The following FSTL4 variants were observed in gnomAD, a reference collection of about 807,000 sequenced individuals.
FSTL4 encodes the protein follistatin like 4, also known as follistatin-related protein 4.
In FSTL4, 28 loss-of-function variants were observed where a neutral mutation model predicts 78.2. The observed-to-expected ratio is 0.36, with a 90% CI of 0.27 to 0.49. FSTL4 has a LOEUF of 0.49. Among genes scored for constraint, FSTL4 ranks in the 20% least tolerant of loss-of-function variants. The pLI, the probability that FSTL4 is intolerant of heterozygous loss-of-function variation, is 0.98. For synonymous variants in FSTL4, 422 were observed against 440.5 expected (o/e 0.96, Z 0.53); for missense variants, 922 against 1,084.9 (o/e 0.85, Z 2.11).
intron 2 of FSTL4, among the ~76,000 whole-genome samples, chr5:133,594,655 T>C (rs1760705405): frequency 1.3e-5 from 2 of 152,172 alleles, no homozygotes; most frequent in South Asian, 4.1e-4. Context: ...CCTCCCAGCA[T>C]CCCCACATGA....
chr5:133,225,530 G>A lies in FSTL4; in HGVS notation c.1177+128C>T. ...GTGAGCCCAGATAACAGGGAAATTT[G>A]GGAGCCATCTGTTCACTCCTAACCT... On this transcript the variant is annotated intron_variant, in intron 9 of 15. Coordinates refer to ENST00000265342, the MANE Select transcript of FSTL4 (RefSeq NM_015082.2). This position sits in a 1 kb window ranked among gnomAD's most constrained non-coding sequence, Gnocchi z 4.6. 1 of 930,168 alleles carries A rather than the reference G, an allele frequency of 1.1e-6. No individual in the cohort carries two copies. The highest frequency in any genetic ancestry group is 1.7e-6 in the Non-Finnish European group (1 of 605,784). 57.6% of individuals were successfully genotyped at this position (930,168 alleles called of 1,614,324 possible).
intron 4 of FSTL4, among the ~76,000 whole-genome samples, chr5:133,346,620 T>C (rs1156349032): frequency 6.6e-6 from 1 of 152,154 alleles, no homozygotes; most frequent in African/African-American, 2.4e-5. Flanking sequence ...TCTTTTTTCA[T>C]TCCCCCCTGC....
At chr5:133,540,843 C>T (rs1759455505) in intron 3 of FSTL4, among the ~76,000 whole-genome samples, 1 of 151,792 alleles carries the variant, frequency 6.6e-6, no homozygotes, top group Non-Finnish European at 1.5e-5. Context: ...TATTTCCTAT[C>T]TTACTGCATT....
At chr5:133,471,374 C>T (rs1308725476) in intron 3 of FSTL4, among the ~76,000 whole-genome samples, 1 of 152,060 alleles carries the variant, frequency 6.6e-6, no homozygotes, top group East Asian at 1.9e-4. Flanking sequence ...TGCTGTGTCC[C>T]CCTCAACTCA....
intron 4 of FSTL4, among the ~76,000 whole-genome samples, chr5:133,392,362 G>A (rs868500346): frequency 6.6e-6 from 1 of 152,240 alleles, no homozygotes. Flanking sequence ...AGAGAAGGAG[G>A]GATCTACGGA....
At chr5:133,796,832 T>C in the FSTL4 span, among the ~76,000 whole-genome samples, 1 of 152,124 alleles carries the variant, frequency 6.6e-6, no homozygotes, top group Admixed American at 6.5e-5. Flanking sequence ...TATCCAGGCT[T>C]GAAGGTGAGG....
intron 6 of FSTL4, among the ~76,000 whole-genome samples, chr5:133,266,216 G>A (rs1581580736): frequency 6.6e-6 from 1 of 152,340 alleles, no homozygotes; most frequent in East Asian, 1.9e-4. Flanking sequence ...GGCCCCTGTG[G>A]GCAAACCCAG....
At chr5:133,483,736 C>T (rs1758075433) in intron 3 of FSTL4, among the ~76,000 whole-genome samples, 1 of 152,168 alleles carries the variant, frequency 6.6e-6, no homozygotes, top group Non-Finnish European at 1.5e-5. Flanking sequence ...GTCTCCAGGG[C>T]AGGTAGGGGC....
the FSTL4 span, among the ~76,000 whole-genome samples, chr5:133,815,884 C>T: frequency 2.6e-5 from 4 of 152,134 alleles, no homozygotes; most frequent in African/African-American, 4.8e-5. Context: ...TCCAGATTCC[C>T]GTAGGGTTGA....
the FSTL4 span, among the ~76,000 whole-genome samples, chr5:133,783,001 T>C: frequency 6.6e-6 from 1 of 152,150 alleles, no homozygotes; most frequent in Non-Finnish European, 1.5e-5. Context: ...AATGATTGCT[T>C]TGCAATGTCA....
At chr5:133,768,463 G>A in the FSTL4 span, among the ~76,000 whole-genome samples, 1 of 152,214 alleles carries the variant, frequency 6.6e-6, no homozygotes, top group Non-Finnish European at 1.5e-5. Flanking sequence ...AAGAGCCAGT[G>A]AAGTAGCCAC....
At chr5:133,693,414 T>C in the FSTL4 span, among the ~76,000 whole-genome samples, 6 of 152,186 alleles carry the variant, frequency 3.9e-5, no homozygotes, top group Non-Finnish European at 7.3e-5. Context: ...TCCTCCCAAA[T>C]TACAATACCC....
the FSTL4 span, among the ~76,000 whole-genome samples, chr5:133,748,424 AG>A: frequency 6.6e-6 from 1 of 151,742 alleles, no homozygotes; most frequent in South Asian, 2.1e-4. Flanking sequence ...ACAAAAAATT[AG>A]CTGGGCTTGG....
intron 2 of FSTL4, among the ~76,000 whole-genome samples, chr5:133,596,747 C>A (rs1188259944): frequency 1.3e-5 from 2 of 152,198 alleles, no homozygotes; most frequent in African/African-American, 2.4e-5. Flanking sequence ...GCTCTCCCAA[C>A]CCCAACCCCT....
intron 14 of FSTL4, among the ~76,000 whole-genome samples, chr5:133,204,811 G>A (rs148960769): frequency 1.3e-5 from 2 of 149,890 alleles, no homozygotes; most frequent in African/African-American, 5.0e-5. Context: ...ACTCCAGCCT[G>A]GGTGCAGAGT....
rs140769225 is a variant in FSTL4 at position 133,464,458 on chromosome 5, C to A, written c.161-63472G>T. Among the ~76,000 whole-genome samples the A allele has an allele frequency of 4.8e-3, 737 of 152,260 alleles. 4 individuals carry two copies. The highest frequency in any genetic ancestry group is 0.017 in the African/African-American group (712 of 41,546). On this transcript the variant is annotated intron_variant, in intron 3 of 15. Coordinates refer to ENST00000265342, the MANE Select transcript of FSTL4 (RefSeq NM_015082.2). ...AAGGTTCCAGTTGTTCAAGGGATAT[C>A]TCTCTCTCTCTTTCACAAAAGGAAA...
chr5:133,705,226 A>AT, the FSTL4 span, among the ~76,000 whole-genome samples: 1 of 151,938 alleles, frequency 6.6e-6, no homozygotes, highest in Non-Finnish European at 1.5e-5. Context: ...CGCCCGGCTA[A>AT]TTTTTTGTAT....
chr5:133,672,779 TTG>T, the FSTL4 span, among the ~76,000 whole-genome samples: 1 of 152,160 alleles, frequency 6.6e-6, no homozygotes, highest in African/African-American at 2.4e-5. Flanking sequence ...CCCAAGAGAT[TTG>T]GAAGAATCAG....
At chr5:133,731,872 T>C in the FSTL4 span, among the ~76,000 whole-genome samples, 56 of 152,178 alleles carry the variant, frequency 3.7e-4, no homozygotes, top group Admixed American at 1.8e-3. Flanking sequence ...CATTTTCTAA[T>C]TATCTCTAAA....
Sources: gnomAD v4.1 joint callset for allele counts (sites outside exome capture counted in the v4.1 genomes callset) on GRCh38, gnomAD v4.1.1 for gene constraint, Gnocchi (gnomAD v3.1) non-coding constraint, MANE v1.5 for transcripts, NCBI Gene and HGNC (gene_info 2026-07-23, HGNC 2026-07-21) for gene names.